Variants in UNC13B observed in about 807,000 individuals in gnomAD.
UNC13B encodes protein unc-13 homolog B.
UNC13B carries 144 observed loss-of-function variants against 211.0 expected under a neutral mutation model. The ratio of observed to expected loss-of-function variants is 0.68; its 90% CI spans 0.60 to 0.78. UNC13B has a LOEUF of 0.78. UNC13B is among the 30% of genes least tolerant of loss of function. The pLI is 0.00. For synonymous variants in UNC13B, 709 were observed against 725.8 expected, an observed-to-expected ratio of 0.98 and a Z score of 0.37; for missense variants, 1,777 against 2,002.0, an observed-to-expected ratio of 0.89 and a Z score of 2.14.
intron 1 of UNC13B, among the ~76,000 whole-genome samples, chr9:35,175,860 T>TA (rs546513987): frequency 0.042 from 3,338 of 80,394 alleles, 156 homozygotes; most frequent in African/African-American, 0.11. Flanking sequence ...CTACTAAAAA[T>TA]ATATAAAAAA....
rs769515494 is a variant in UNC13B at position 35,259,074 on chromosome 9, A to G, written c.526+24A>G. The stretch of plus-strand genomic sequence containing the variant: ...TTGTAAGTGAGAAACTTGTCTATGA[A>G]TCTCTTTTAATTGTAGCTTTCTGTC... On this transcript the variant is annotated intron_variant, in intron 7 of 39. Transcript: ENST00000635942. 35 of 1,611,974 alleles carry G rather than the reference A, an allele frequency of 2.2e-5. No homozygotes were observed. The East Asian group carries it at 3.8e-4, about 17-fold the overall frequency.
chr9:35,162,088 C>T lies in UNC13B; in HGVS notation c.-196C>T, dbSNP rs894821196. The T allele has an allele frequency of 1.5e-5, 12 of 788,862 alleles. No homozygotes were observed. The highest frequency in any genetic ancestry group is 2.4e-5 in the Non-Finnish European group (12 of 500,030). The allele number at this position is 788,862 out of a possible 1,614,324, so 48.9% of individuals were successfully genotyped here. A position where few individuals can be genotyped will look rare whatever the true frequency, so the allele number is the denominator to read the frequency against. Reference sequence around the variant, plus strand: ...CCAGCCTGCCGGCCGGTACTCACCGCTACCCGGAGTTCGCTCAGACGGTGA... The same window carrying T: ...CCAGCCTGCCGGCCGGTACTCACCGTTACCCGGAGTTCGCTCAGACGGTGA... On this transcript the variant is annotated 5_prime_UTR_variant, in exon 1 of 40. Transcript: ENST00000635942.
chr9:35,360,693 C>G (rs1459231023), intron 11 of UNC13B: 1 of 152,070 alleles, frequency 6.6e-6, no homozygotes, highest in African/African-American at 2.4e-5. Context: ...AGTCTGTCAC[C>G]CAGGCTGGAG....
intron 1 of UNC13B, among the ~76,000 whole-genome samples, chr9:35,191,040 A>ACT (rs929671173): frequency 5.9e-5 from 9 of 151,686 alleles, no homozygotes; most frequent in Admixed American, 2.6e-4. Context: ...GCTCACCGCA[A>ACT]CTCCCATCTC....
intron 7 of UNC13B, among the ~76,000 whole-genome samples, chr9:35,284,304 T>C (rs1341376860): frequency 3.3e-5 from 5 of 152,122 alleles, no homozygotes; most frequent in African/African-American, 9.7e-5. Context: ...GCAGTACGGT[T>C]ATGATTTGTA....
chr9:35,337,409 A>G (rs528499903), intron 11 of UNC13B, among the ~76,000 whole-genome samples: 14 of 152,292 alleles, frequency 9.2e-5, no homozygotes, highest in African/African-American at 2.6e-4. Flanking sequence ...ATGGATTCCA[A>G]TGATCCAGTA....
At chr9:35,376,512 G>A (rs1834424953) in intron 15 of UNC13B, among the ~76,000 whole-genome samples, 1 of 152,238 alleles carries the variant, frequency 6.6e-6, no homozygotes, top group Admixed American at 6.5e-5. Context: ...ATAGGATTCA[G>A]TTGATCCCAG....
chr9:35,212,239 A>G (rs2131421148), intron 1 of UNC13B, among the ~76,000 whole-genome samples: 1 of 152,344 alleles, frequency 6.6e-6, no homozygotes, highest in South Asian at 2.1e-4. Flanking sequence ...AAAAAGTAAG[A>G]GAAAAAATAT....
At chr9:35,334,883 C>T (rs1410290435) in intron 11 of UNC13B, among the ~76,000 whole-genome samples, 1 of 152,074 alleles carries the variant, frequency 6.6e-6, no homozygotes, top group African/African-American at 2.4e-5. Flanking sequence ...ACTAAAAGTA[C>T]AAAAATTATC....
chr9:35,391,847 C>G (rs868399191), intron 26 of UNC13B, among the ~76,000 whole-genome samples: 135 of 152,324 alleles, frequency 8.9e-4, no homozygotes, highest in African/African-American at 3.2e-3. Context: ...AGGGGAAACC[C>G]AGAGGCTAGG....
At chr9:35,270,215 T>C (rs1365590040) in intron 7 of UNC13B, among the ~76,000 whole-genome samples, 1 of 152,172 alleles carries the variant, frequency 6.6e-6, no homozygotes, top group Admixed American at 6.5e-5. Context: ...CTCTTGCTTC[T>C]TGGCTCTTTG....
chr9:35,173,576 A>G (rs1235017865), intron 1 of UNC13B, among the ~76,000 whole-genome samples: 1 of 151,966 alleles, frequency 6.6e-6, no homozygotes, highest in Non-Finnish European at 1.5e-5. Context: ...GGCCCTCACC[A>G]CCATGCCCGG....
chr9:35,400,409 C>T lies in UNC13B; in HGVS notation c.12450C>T (p.Leu4150=). The T allele has an allele frequency of 1.2e-6, 2 of 1,613,950 alleles. No homozygotes were observed. The highest frequency in any genetic ancestry group is 8.5e-7 in the Non-Finnish European group (1 of 1,179,904). Residue 4150 remains leucine, a synonymous_variant, in exon 37 of 40, where the codon CTC becomes CTT. Transcript: ENST00000635942. ...TGTACACACAGACTACTGACACTCTCATCAAGACCTTTGTGCGCTCGCAGA... is the reference window on the plus strand; with the variant it reads ...TGTACACACAGACTACTGACACTCTTATCAAGACCTTTGTGCGCTCGCAGA... The part of the protein sequence containing the change: ...LSLYTQTTDT[L]IKTFVRSQTT...
intron 1 of UNC13B, among the ~76,000 whole-genome samples, chr9:35,206,171 A>G (rs1823630218): frequency 6.6e-6 from 1 of 152,154 alleles, no homozygotes; most frequent in South Asian, 2.1e-4. Flanking sequence ...GGCTGGAGTG[A>G]GCAGCAGAGG....
chr9:35,197,719 C>T lies in UNC13B; in HGVS notation c.23-30296C>T, dbSNP rs1823024197. Among the ~76,000 whole-genome samples, 4 of 151,612 alleles carry T rather than the reference C, an allele frequency of 2.6e-5. No individual in the cohort carries two copies. The South Asian group carries it at 8.3e-4, about 32-fold the overall frequency. Reference sequence around the variant, plus strand: ...CTGTTCTTGTGACAGTGAGTTCGTTCTCATGAGATCTTGTTGTTTAAATTT... The same window carrying T: ...CTGTTCTTGTGACAGTGAGTTCGTTTTCATGAGATCTTGTTGTTTAAATTT... On this transcript the variant is annotated intron_variant, in intron 1 of 39. Transcript: ENST00000635942.
At chr9:35,248,797 A>C (rs986517555) in intron 6 of UNC13B, among the ~76,000 whole-genome samples, 1 of 152,170 alleles carries the variant, frequency 6.6e-6, no homozygotes, top group African/African-American at 2.4e-5. Context: ...ATTTTAGAGT[A>C]AGTGCGGTGT....
rs1836539479 is a variant in UNC13B, at chr9:35,404,229, A to T, written c.*196A>T. Reference sequence around the variant, plus strand: ...GGTCATGAAGCCCTGGCCCAACAGGACTGTGGTACTAGGGGCTGGGATGTG... The same window carrying T: ...GGTCATGAAGCCCTGGCCCAACAGGTCTGTGGTACTAGGGGCTGGGATGTG... On this transcript the variant is annotated 3_prime_UTR_variant, in exon 40 of 40. Coordinates refer to ENST00000635942, the MANE Select transcript of UNC13B (RefSeq NM_001371189.2). The T allele has an allele frequency of 1.5e-6, 1 of 681,292 alleles. No individual in the cohort carries two copies. The highest frequency in any genetic ancestry group is 2.0e-5 in the South Asian group (1 of 50,614). 42.2% of individuals were successfully genotyped at this position (681,292 alleles called of 1,614,324 possible). A position where few individuals can be genotyped will look rare whatever the true frequency, so the allele number is the denominator to read the frequency against.
Position 35,381,658 on chromosome 9 carries a change from C to A in UNC13B, c.10594C>A (p.Gln3532Lys), listed in dbSNP as rs1191700046. ...GAAGGTGTACTTTGATGAGACAGCC[C>A]AAGAAATTGTGGATGAATTTGCCAT... is the stretch of plus-strand genomic sequence containing the variant. ...AWKVYFDETA[Q>K]EIVDEFAMRY... Residue 3532 changes from glutamine (Q) to lysine (K), a missense_variant, in exon 20 of 40, where the codon CAA becomes AAA. By Grantham distance (53) the Gln-to-Lys change is moderately conservative. Transcript: ENST00000635942. 1 of 1,614,146 alleles carries A rather than the reference C, an allele frequency of 6.2e-7. No individual in the cohort carries two copies. The highest frequency in any genetic ancestry group is 1.1e-5 in the South Asian group (1 of 91,084).
chr9:35,394,861 G>GT (rs975952198), intron 26 of UNC13B, among the ~76,000 whole-genome samples: 1 of 152,218 alleles, frequency 6.6e-6, no homozygotes, highest in South Asian at 2.1e-4. Context: ...TTGTCAGTTA[G>GT]TTTTTATACC....
Sources: gnomAD v4.1 joint callset for allele counts (sites outside exome capture counted in the v4.1 genomes callset) on GRCh38, gnomAD v4.1.1 for gene constraint, MANE v1.5 for transcripts, NCBI Gene and HGNC (gene_info 2026-07-23, HGNC 2026-07-21) for gene names.